CLU: variants seen among roughly 807,000 people sequenced by gnomAD.
The protein encoded by CLU is aging-associated protein 4.
A neutral mutation model predicts 46.4 loss-of-function variants in CLU; 25 were observed. The observed-to-expected ratio is 0.54, with a 90% CI of 0.39 to 0.75. The LOEUF (loss-of-function observed/expected upper bound fraction) is 0.75. Ranked by LOEUF, CLU falls within the 30% of genes least tolerant of loss-of-function variation. CLU has a pLI of 0.00. For synonymous variants in CLU, 235 were observed against 235.1 expected, an observed-to-expected ratio of 1.00 and a Z score of 0.00; for missense variants, 504 against 592.1, an observed-to-expected ratio of 0.85 and a Z score of 1.54.
rs752403477 is a variant in CLU at position 27,598,462 on chromosome 8, G to C, written c.1338C>G (p.His446Gln). 1 of 1,614,026 alleles carries C rather than the reference G, an allele frequency of 6.2e-7. No homozygotes were observed. Among genetic ancestry groups the C allele is most frequent in the Non-Finnish European group, 8.5e-7 (1 of 1,180,024 alleles). ...EKALQEYRKK[H>Q]REE ...GCAGGAAAGGCCCGCCTGCTTACCG[G>C]TGCTTTTTGCGGTATTCCTGCAGCG... is the stretch of plus-strand genomic sequence containing the variant. Residue 446 changes from histidine to glutamine, a missense_variant and splice_region_variant, in exon 8 of 9, where the codon CAC becomes CAG. By Grantham distance (24) the His-to-Gln change is conservative. Coordinates refer to ENST00000316403, the MANE Select transcript of CLU (RefSeq NM_001831.4).
Position 27,597,385 on chromosome 8 carries a change from C to T in CLU, c.*856G>A, listed in dbSNP as rs747286998. ...ATGGTTCAGACTAAAAGCCGAGAAA[C>T]GCCTGTGGTCCAGGGAAAGGTATGA... is the stretch of plus-strand genomic sequence containing the variant. On this transcript the variant is annotated 3_prime_UTR_variant, in exon 9 of 9. Transcript: ENST00000316403. 29 of 454,378 alleles carry T rather than the reference C, an allele frequency of 6.4e-5. No homozygotes were observed. The highest frequency in any genetic ancestry group is 1.0e-4 in the Non-Finnish European group (23 of 226,784). 28.1% of individuals were successfully genotyped at this position (454,378 alleles called of 1,614,324 possible).
At chr8:27,613,071 G>C (rs1204499307) in intron 1 of CLU, among the ~76,000 whole-genome samples, 1 of 151,914 alleles carries the variant, frequency 6.6e-6, no homozygotes, top group Non-Finnish European at 1.5e-5. Context: ...TTCCAAGCAG[G>C]GCAGGGCTGG....
At chr8:27,613,074 A>C (rs924106259) in intron 1 of CLU, among the ~76,000 whole-genome samples, 10 of 152,042 alleles carry the variant, frequency 6.6e-5, no homozygotes, top group Non-Finnish European at 1.5e-5. Flanking sequence ...CAAGCAGGGC[A>C]GGGCTGGAGG....
intron 6 of CLU, among the ~76,000 whole-genome samples, chr8:27,603,998 T>C (rs1431730432): frequency 1.3e-5 from 2 of 152,298 alleles, no homozygotes; most frequent in African/African-American, 4.8e-5. Context: ...GGGGGATGAC[T>C]TTTTTCAACA....
intron 2 of CLU, 28 bp downstream of exon 2, chr8:27,610,447 A>G: frequency 6.3e-7 from 1 of 1,580,302 alleles, no homozygotes; most frequent in Non-Finnish European, 8.7e-7. Flanking sequence ...CCCTGTGGCC[A>G]GAGGAACATC....
intron 5 of CLU, 105 bp downstream of exon 5, chr8:27,604,819 T>G: frequency 4.6e-6 from 6 of 1,300,608 alleles, no homozygotes; most frequent in South Asian, 1.2e-5. Flanking sequence ...ATCACCCTTG[T>G]GATATTGCTG....
At chr8:27,600,974 G>A (rs912264494) in intron 6 of CLU, among the ~76,000 whole-genome samples, 2 of 152,170 alleles carry the variant, frequency 1.3e-5, no homozygotes, top group African/African-American at 2.4e-5. Context: ...CTCTGGGCCC[G>A]GGATTGAACC....
At chr8:27,612,727 C>A (rs73679248) in intron 1 of CLU, among the ~76,000 whole-genome samples, 1 of 151,886 alleles carries the variant, frequency 6.6e-6, no homozygotes, top group Non-Finnish European at 1.5e-5. Flanking sequence ...TTCCTTTGCT[C>A]GGACTCACCT....
At chr8:27,611,956 G>A (rs1319665980) in intron 1 of CLU, 2 of 360,116 alleles carry the variant, frequency 5.6e-6, no homozygotes, top group African/African-American at 2.1e-5. Context: ...TCTGCCAGGG[G>A]CCCCTGAAAG....
At chr8:27,604,667 C>T (rs1030075537) in intron 5 of CLU, among the ~76,000 whole-genome samples, 1 of 152,102 alleles carries the variant, frequency 6.6e-6, no homozygotes, top group Non-Finnish European at 1.5e-5. Flanking sequence ...TTTGTAGAGA[C>T]AGGGTCTCAC....
In CLU at chr8:27,609,024, T is replaced by G; in HGVS notation, c.160A>C (p.Lys54Gln). 2 of 1,614,180 alleles carry G rather than the reference T, an allele frequency of 1.2e-6. No individual in the cohort carries two copies. Among genetic ancestry groups the G allele is most frequent in the Non-Finnish European group, 1.7e-6 (2 of 1,179,990 alleles). Residue 54 changes from lysine (K) to glutamine (Q), a missense_variant, in exon 3 of 9, where the codon AAA (lysine) becomes CAA (glutamine). Around this residue, in one of 3 missense-constraint regions of CLU, gnomAD observed 73 missense variants for 91.2 expected, o/e 0.80. Coordinates refer to ENST00000316403, the MANE Select transcript of CLU (RefSeq NM_001831.4). ...TTTTCTATGAGAGTCTTTATCTGTT[T>G]CACCCCGTTGACAGCATTTTGAATT... Reference protein sequence around the residue: ...KEIQNAVNGVKQIKTLIEKTN... With the variant: ...KEIQNAVNGVQQIKTLIEKTN...
chr8:27,604,498 G>GTGAGACCCT, intron 5 of CLU, 103 bp from the exon 6 acceptor site: 1 of 963,026 alleles, frequency 1.0e-6, no homozygotes, highest in Non-Finnish European at 1.6e-6. Context: ...TTACAGACAG[G>GTGAGACCCT]GTCTCACTCT....
At chr8:27,600,653 G>C (rs149510122) in intron 6 of CLU, among the ~76,000 whole-genome samples, 1 of 152,248 alleles carries the variant, frequency 6.6e-6, no homozygotes, top group East Asian at 1.9e-4. Flanking sequence ...ACTTCCAAAA[G>C]CACTGATCTC....
intron 2 of CLU, 57 bp from the exon 3 acceptor site, chr8:27,609,143 C>T: frequency 1.9e-6 from 3 of 1,593,082 alleles, no homozygotes; most frequent in Non-Finnish European, 2.6e-6. Flanking sequence ...GCCTCAGGAC[C>T]CTGGAATGAG....
chr8:27,608,810 C>A, intron 3 of CLU, 128 bp downstream of exon 3: 1 of 946,354 alleles, frequency 1.1e-6, no homozygotes, highest in Non-Finnish European at 1.7e-6. Flanking sequence ...GCAGCCTCAG[C>A]ATCAGCTGAC....
Position 27,613,309 on chromosome 8 carries a change from C to T in CLU, c.-30+1346G>A, listed in dbSNP as rs554878846. 2.8e-4 allele frequency among the ~76,000 whole-genome samples: 42 copies of T among 151,836 alleles called. 1 individual carries two copies. The highest frequency in any genetic ancestry group is 8.9e-4 in the African/African-American group (37 of 41,400). On this transcript the variant is annotated intron_variant, in intron 1 of 8. Transcript: ENST00000316403. ...GCTGAGGCATGAGAACTGCTTGAAC[C>T]CGGATGGCGGAGGTTGCAGTGAGCC...
Position 27,597,697 on chromosome 8 carries a change from A to C in CLU, c.*544T>G, listed in dbSNP as rs923814390. 4.4e-6 allele frequency: 2 copies of C among 454,070 alleles called. No homozygotes were observed. The highest frequency in any genetic ancestry group is 8.8e-6 in the Non-Finnish European group (2 of 226,864). 28.1% of individuals were successfully genotyped at this position (454,070 alleles called of 1,614,324 possible). A position where few individuals can be genotyped will look rare whatever the true frequency, so the allele number is the denominator to read the frequency against. ...GATTGTCGCACCTTGGTCAGAATAC[A>C]TCGACAGTTTTATAATAGAACAGAA... On this transcript the variant is annotated 3_prime_UTR_variant, in exon 9 of 9. Coordinates refer to ENST00000316403, the MANE Select transcript of CLU (RefSeq NM_001831.4).
chr8:27,605,021 G>A lies in CLU; in HGVS notation c.732C>T (p.Phe244=), dbSNP rs139107211. ...CGTGTATCATCTCAAGGAAGGGCTG[G>A]AACATGGCGTGGAAGTTCAGGGGCT... The part of the protein sequence containing the change: ...PYEPLNFHAM[F]QPFLEMIHEA... Residue 244 remains phenylalanine, a synonymous_variant, in exon 5 of 9, where the codon TTC becomes TTT. Coordinates refer to ENST00000316403, the MANE Select transcript of CLU (RefSeq NM_001831.4). The A allele has an allele frequency of 3.7e-6, 6 of 1,613,998 alleles. No individual in the cohort carries two copies. In the African/African-American group the frequency reaches 4.0e-5, roughly 11 times the overall value.
At chr8:27,602,865 G>A (rs1397706705) in intron 6 of CLU, among the ~76,000 whole-genome samples, 3 of 152,144 alleles carry the variant, frequency 2.0e-5, no homozygotes, top group African/African-American at 7.2e-5. Flanking sequence ...AGGAGTTCAA[G>A]ACCAGCCTGG....
Sources: gnomAD v4.1 joint callset for allele counts (sites outside exome capture counted in the v4.1 genomes callset) on GRCh38, gnomAD v4.1.1 for gene constraint, gnomAD v4.1.1 regional missense constraint, MANE v1.5 for transcripts, NCBI Gene and HGNC (gene_info 2026-07-23, HGNC 2026-07-21) for gene names.